The following MGMT variants were observed in gnomAD, a reference collection of about 807,000 sequenced individuals.
MGMT encodes the protein O-6-methylguanine-DNA methyltransferase, also known as methylated-DNA--protein-cysteine methyltransferase.
Under a neutral mutation model 15.9 loss-of-function variants are expected in MGMT, and 14 were observed. That is an observed-to-expected ratio of 0.88 (90% confidence interval 0.58 to 1.37). The LOEUF is 1.37. MGMT is among the 40% of genes most tolerant of loss of function. MGMT has a pLI of 0.00. For missense variants in MGMT, 282 were observed against 268.1 expected, an observed-to-expected ratio of 1.05 and a Z score of -0.36; for synonymous variants, 130 against 118.2, an observed-to-expected ratio of 1.10 and a Z score of -0.65.
In MGMT at chr10:129,514,109, C is replaced by T. The variant is rs139675139; in HGVS notation, c.-12-22132C>T. 4.6e-3 allele frequency among the ~76,000 whole-genome samples: 698 copies of T among 152,278 alleles called. 6 individuals carry two copies. The highest frequency in any genetic ancestry group is 0.016 in the African/African-American group (657 of 41,548). ...AATGTTGTTTGAAGAATTCATTCTG[C>T]TGCAATTTAGATAAAATGTACCTGC... On this transcript the variant is annotated intron_variant, in intron 1 of 4. Transcript: ENST00000651593.
chr10:129,622,471 C>T (rs933666345), intron 2 of MGMT, among the ~76,000 whole-genome samples: 5 of 152,196 alleles, frequency 3.3e-5, no homozygotes, highest in South Asian at 2.1e-4. Context: ...CTAGTTTACA[C>T]GGTATTGAAT....
intron 1 of MGMT, among the ~76,000 whole-genome samples, chr10:129,501,369 T>C (rs973498465): frequency 1.3e-5 from 2 of 152,190 alleles, no homozygotes; most frequent in Non-Finnish European, 2.9e-5. Flanking sequence ...ACAGCAGTCA[T>C]CCCTTTCAAG....
chr10:129,590,387 T>C (rs1846669282), intron 2 of MGMT, among the ~76,000 whole-genome samples: 1 of 152,222 alleles, frequency 6.6e-6, no homozygotes, highest in Non-Finnish European at 1.5e-5. Flanking sequence ...TACTTATGTT[T>C]CGATTTTAAT....
intron 2 of MGMT, among the ~76,000 whole-genome samples, chr10:129,683,152 A>G (rs1331203366): frequency 6.6e-6 from 1 of 152,172 alleles, no homozygotes; most frequent in East Asian, 1.9e-4. Flanking sequence ...CCCAGCCCAT[A>G]CCCATTTTTA....
At chr10:129,511,112 G>A (rs113053174) in intron 1 of MGMT, among the ~76,000 whole-genome samples, 160 of 139,780 alleles carry the variant, frequency 1.1e-3, no homozygotes, top group African/African-American at 4.4e-3. Flanking sequence ...TCATGTGATG[G>A]GAACCCAGTA....
chr10:129,484,539 A>G (rs1343882084), intron 1 of MGMT, among the ~76,000 whole-genome samples: 1 of 152,088 alleles, frequency 6.6e-6, no homozygotes, highest in African/African-American at 2.4e-5. Context: ...GTTTATAAGA[A>G]CTGTTTTTAT....
At position 129,564,668 on chromosome 10, in the gene MGMT, C is replaced by CCCTCCTCTCCTTCCTCCT. The variant is rs1175061841; in HGVS notation, c.125+28311_125+28328dup. Among the ~76,000 whole-genome samples, 1,093 of 123,242 alleles carry CCCTCCTCTCCTTCCTCCT rather than the reference C, an allele frequency of 8.9e-3. 38 individuals are homozygous for CCCTCCTCTCCTTCCTCCT. Among genetic ancestry groups the CCCTCCTCTCCTTCCTCCT allele is most frequent in the African/African-American group, 0.033 (1,002 of 30,726 alleles). 80.9% of individuals were successfully genotyped at this position (123,242 alleles called of 152,430 possible). ...TTCCTCACCCTCCTCTCCTTCCTCCCCCTCCTCTCCTTCCTCCTCCTCCTC... is the reference window on the plus strand; with the variant it reads ...TTCCTCACCCTCCTCTCCTTCCTCCCCCTCCTCTCCTTCCTCCTCCTCCTCTCCTTCCTCCTCCTCCTC... On this transcript the variant is annotated intron_variant, in intron 2 of 4. Transcript: ENST00000651593.
chr10:129,518,992 T>G (rs1267586497), intron 1 of MGMT, among the ~76,000 whole-genome samples: 1 of 152,130 alleles, frequency 6.6e-6, no homozygotes, highest in Non-Finnish European at 1.5e-5. Context: ...TGGTGGTGAT[T>G]GTCTGGGGCA....
intron 2 of MGMT, among the ~76,000 whole-genome samples, chr10:129,616,411 G>A (rs994964983): frequency 2.0e-5 from 3 of 152,186 alleles, no homozygotes; most frequent in East Asian, 1.9e-4. Context: ...AAGGGGAAGC[G>A]AGGGCATAGA....
intron 2 of MGMT, among the ~76,000 whole-genome samples, chr10:129,580,251 G>A (rs146967975): frequency 0.033 from 4,970 of 152,294 alleles, 131 homozygotes; most frequent in South Asian, 0.065. Context: ...AGGGGGATGC[G>A]CGGGAGCCAG....
intron 1 of MGMT, among the ~76,000 whole-genome samples, chr10:129,485,302 A>G (rs996785411): frequency 6.6e-6 from 1 of 152,048 alleles, no homozygotes; most frequent in Non-Finnish European, 1.5e-5. Context: ...TTTGAATTCT[A>G]ATCTCTCTCC....
chr10:129,604,133 G>A (rs1846857989), intron 2 of MGMT, among the ~76,000 whole-genome samples: 1 of 152,142 alleles, frequency 6.6e-6, no homozygotes, highest in Non-Finnish European at 1.5e-5. Flanking sequence ...ATGGGGAGAG[G>A]GAGGGCTTTG....
intron 3 of MGMT, among the ~76,000 whole-genome samples, chr10:129,723,119 T>C (rs890666647): frequency 6.6e-6 from 1 of 152,072 alleles, no homozygotes; most frequent in Non-Finnish European, 1.5e-5. Flanking sequence ...AGAAATTTGT[T>C]CCATAACTTA....
intron 2 of MGMT, among the ~76,000 whole-genome samples, chr10:129,702,547 A>G (rs1323600260): frequency 6.6e-6 from 1 of 151,800 alleles, no homozygotes; most frequent in African/African-American, 2.4e-5. Flanking sequence ...GGTTCAAGGG[A>G]TGGGATAGGA....
intron 2 of MGMT, among the ~76,000 whole-genome samples, chr10:129,560,326 G>A (rs186946603): frequency 6.6e-6 from 1 of 152,292 alleles, no homozygotes; most frequent in Admixed American, 6.5e-5. Context: ...GTGCATTACT[G>A]TTTTGAAAAA....
chr10:129,719,133 G>C (rs940526519), intron 3 of MGMT, among the ~76,000 whole-genome samples: 1 of 149,100 alleles, frequency 6.7e-6, no homozygotes, highest in Non-Finnish European at 1.5e-5. Context: ...TCACCTTCCC[G>C]AGGTGCCCAG....
intron 2 of MGMT, among the ~76,000 whole-genome samples, chr10:129,578,293 A>T (rs1243382477): frequency 3.9e-5 from 6 of 152,358 alleles, no homozygotes; most frequent in Non-Finnish European, 4.4e-5. Context: ...CAAATGTCCA[A>T]CAATGATAGA....
intron 1 of MGMT, among the ~76,000 whole-genome samples, chr10:129,497,750 G>A (rs1845537003): frequency 6.6e-6 from 1 of 152,196 alleles, no homozygotes. Context: ...GCAATGACTA[G>A]GTCAGGCTGG....
intron 2 of MGMT, among the ~76,000 whole-genome samples, chr10:129,596,837 T>C (rs1209145522): frequency 6.6e-6 from 1 of 152,152 alleles, no homozygotes. Flanking sequence ...ACAGCCCAAC[T>C]TTAACAGTGG....
Sources: allele counts gnomAD v4.1 joint callset (sites outside exome capture counted in the v4.1 genomes callset), GRCh38; gene constraint gnomAD v4.1.1; transcripts MANE v1.5; gene names NCBI Gene and HGNC (gene_info 2026-07-23, HGNC 2026-07-21).